ZFAT: variants seen among roughly 807,000 people sequenced by gnomAD.
ZFAT encodes the protein zinc finger protein ZFAT.
A neutral mutation model predicts 117.7 loss-of-function variants in ZFAT; 64 were observed. That is an observed-to-expected ratio of 0.54 (90% confidence interval 0.44 to 0.67). ZFAT has a LOEUF of 0.67. ZFAT is among the 30% of genes least tolerant of loss of function. ZFAT has a pLI of 0.00. For missense variants in ZFAT, 1,433 were observed against 1,584.5 expected (o/e 0.90, Z 1.62); for synonymous variants, 679 against 615.0 (o/e 1.10, Z -1.54).
At chr8:134,688,417 A>C (rs1411982188) in intron 1 of ZFAT, among the ~76,000 whole-genome samples, 1 of 152,250 alleles carries the variant, frequency 6.6e-6, no homozygotes, top group Non-Finnish European at 1.5e-5. Flanking sequence ...AACCAAAGAC[A>C]CAGGCAATTC....
At chr8:134,755,683 A>C in the ZFAT span, among the ~76,000 whole-genome samples, 1 of 149,588 alleles carries the variant, frequency 6.7e-6, no homozygotes, top group Non-Finnish European at 1.5e-5. Flanking sequence ...GTGGTGGCAC[A>C]TGCCTGTAAT....
At chr8:134,653,067 A>G (rs1831343741) in intron 2 of ZFAT, among the ~76,000 whole-genome samples, 2 of 151,872 alleles carry the variant, frequency 1.3e-5, no homozygotes, top group Admixed American at 1.3e-4. Flanking sequence ...TAAATACCAT[A>G]CAGACACTAA....
At position 134,565,366 on chromosome 8, in the gene ZFAT, C is replaced by G; in HGVS notation, c.2943G>C (p.Leu981=). 1 of 1,613,950 alleles carries G rather than the reference C, an allele frequency of 6.2e-7. No homozygotes were observed. ...AGACATGCTGTTCCATGTGCCGCAG[C>G]AGCTGTGGCTTCTGGGCCGCTGTGT... ...CDYTAAQKPQ[L]LRHMEQHVSF... Residue 981 remains leucine (L), a synonymous_variant, in exon 11 of 16, where the codon CTG becomes CTC. Transcript: ENST00000377838.
intron 15 of ZFAT, among the ~76,000 whole-genome samples, chr8:134,495,528 C>T (rs1317153123): frequency 6.6e-6 from 1 of 152,176 alleles, no homozygotes; most frequent in Non-Finnish European, 1.5e-5. Context: ...CTCACAATGA[C>T]TCAACAACTG....
chr8:134,756,134 C>A, the ZFAT span, among the ~76,000 whole-genome samples: 2 of 152,200 alleles, frequency 1.3e-5, no homozygotes, highest in Non-Finnish European at 2.9e-5. Context: ...GCTTTCTCTG[C>A]CTCCTTGTAA....
At chr8:134,563,688 A>C (rs999261971) in intron 11 of ZFAT, among the ~76,000 whole-genome samples, 1 of 152,218 alleles carries the variant, frequency 6.6e-6, no homozygotes, top group African/African-American at 2.4e-5. Context: ...CAAAGACGGA[A>C]GATAATATGT....
At chr8:134,716,667 G>A (rs113720589), upstream of ZFAT, among the ~76,000 whole-genome samples, 233 of 152,292 alleles carry the variant, frequency 1.5e-3, 1 homozygote, top group African/African-American at 5.4e-3. Context: ...GGAAGAGGCA[G>A]TGACAATTTG....
chr8:134,515,821 C>G (rs1460934046), intron 13 of ZFAT, among the ~76,000 whole-genome samples: 1 of 152,166 alleles, frequency 6.6e-6, no homozygotes, highest in Admixed American at 6.5e-5. Context: ...CAGGATTATT[C>G]TGAAGCAAAT....
chr8:134,712,800 G>GGGC, intron 1 of ZFAT, 45 bp downstream of exon 1: 1 of 1,140,180 alleles, frequency 8.8e-7, no homozygotes, highest in Non-Finnish European at 1.2e-6. Context: ...GCCGCGCCGC[G>GGGC]CCCCACCCCC....
chr8:134,673,452 A>T (rs1010248721), intron 1 of ZFAT: 3 of 210,966 alleles, frequency 1.4e-5, no homozygotes, highest in Non-Finnish European at 3.2e-5. Flanking sequence ...TGCATATTTA[A>T]CAGATAGGAT....
chr8:134,725,192 G>T, the ZFAT span, among the ~76,000 whole-genome samples: 1 of 152,160 alleles, frequency 6.6e-6, no homozygotes, highest in East Asian at 1.9e-4. Context: ...TATCGTTATG[G>T]CTCGTTTAAC....
the ZFAT span, among the ~76,000 whole-genome samples, chr8:134,719,214 G>C: frequency 1.3e-5 from 2 of 152,196 alleles, no homozygotes; most frequent in African/African-American, 4.8e-5. Flanking sequence ...AGAGAAGAAG[G>C]GGGAGGATTT....
chr8:134,491,855 G>C (rs941940502), intron 15 of ZFAT, among the ~76,000 whole-genome samples: 3 of 152,188 alleles, frequency 2.0e-5, no homozygotes, highest in African/African-American at 7.2e-5. Flanking sequence ...AGGTTCTGTG[G>C]ATGAGGACGT....
the ZFAT span, among the ~76,000 whole-genome samples, chr8:134,828,726 C>G: frequency 6.6e-6 from 1 of 152,082 alleles, no homozygotes; most frequent in African/African-American, 2.4e-5. Flanking sequence ...TTAAACTTCC[C>G]AAGTACTTCA....
At chr8:134,710,485 T>C (rs760289308) in intron 1 of ZFAT, among the ~76,000 whole-genome samples, 6 of 152,224 alleles carry the variant, frequency 3.9e-5, no homozygotes, top group Admixed American at 2.0e-4. Context: ...CCCAACTTCT[T>C]TGGACGTACC....
In ZFAT at chr8:134,699,127, A is replaced by C. The variant is rs59081255; in HGVS notation, c.19+13718T>G. Among the ~76,000 whole-genome samples, 940 of 151,190 alleles carry C rather than the reference A, an allele frequency of 6.2e-3. 11 individuals are homozygous for C. The highest frequency in any genetic ancestry group is 0.021 in the African/African-American group (877 of 41,078). On this transcript the variant is annotated intron_variant, in intron 1 of 15. Coordinates refer to ENST00000377838, the MANE Select transcript of ZFAT (RefSeq NM_020863.4). The stretch of plus-strand genomic sequence containing the variant: ...CCAATGATCTTAATCATTGCCCCTC[A>C]CCCCCTCCCCGCATTGCGTAGGGAA...
chr8:134,830,995 C>G, the ZFAT span, among the ~76,000 whole-genome samples: 54 of 152,166 alleles, frequency 3.5e-4, no homozygotes, highest in Non-Finnish European at 6.8e-4. Context: ...AGGACTGTCT[C>G]GTAAATTACT....
At chr8:134,782,084 T>C in the ZFAT span, among the ~76,000 whole-genome samples, 16,686 of 152,218 alleles carry the variant, frequency 0.11, 986 homozygotes, top group African/African-American at 0.13. Context: ...AGGTCAACTG[T>C]ATATTGCCTC....
chr8:134,823,726 C>A, the ZFAT span, among the ~76,000 whole-genome samples: 3 of 152,110 alleles, frequency 2.0e-5, no homozygotes, highest in Admixed American at 1.3e-4. Flanking sequence ...TCACAGGCAG[C>A]CAAGGCTGTA....
Sources: gnomAD v4.1 joint callset for allele counts (sites outside exome capture counted in the v4.1 genomes callset) on GRCh38, gnomAD v4.1.1 for gene constraint, MANE v1.5 for transcripts, NCBI Gene and HGNC (gene_info 2026-07-23, HGNC 2026-07-21) for gene names.